The following GAB1 variants were observed in gnomAD, a reference collection of about 807,000 sequenced individuals.
The protein encoded by GAB1 is GRB2 associated binding protein 1.
GAB1 carries 19 observed loss-of-function variants against 66.5 expected under a neutral mutation model. The ratio of observed to expected loss-of-function variants is 0.29; its 90% confidence interval spans 0.20 to 0.42. The LOEUF (loss-of-function observed/expected upper bound fraction) is 0.42. GAB1 is among the 10% of genes least tolerant of loss of function. The probability of loss-of-function intolerance (pLI) is 1.00; values close to 1 mark genes in which losing one functional copy is unlikely to be tolerated. For missense variants in GAB1, 732 were observed against 858.5 expected, an observed-to-expected ratio of 0.85 and a Z score of 1.84; for synonymous variants, 294 against 301.4, an observed-to-expected ratio of 0.98 and a Z score of 0.25.
At chr4:143,400,040 A>C (rs1731684154) in intron 1 of GAB1, among the ~76,000 whole-genome samples, 1 of 150,846 alleles carries the variant, frequency 6.6e-6, no homozygotes, top group African/African-American at 2.4e-5. Flanking sequence ...CTGGGTGTTC[A>C]AGTGATTCTC....
In GAB1 at chr4:143,384,527, C is replaced by T. The variant is rs554235541; in HGVS notation, c.73-30950C>T. 7.9e-5 allele frequency among the ~76,000 whole-genome samples: 12 copies of T among 152,256 alleles called. No individual in the cohort carries two copies. The South Asian group carries it at 1.4e-3, about 18-fold the overall frequency. The stretch of plus-strand genomic sequence containing the variant: ...TGTACAGGACAGGAAAGGCTGTGGC[C>T]GTCAGGGAAATGGAGCCAGATGGTC... On this transcript the variant is annotated intron_variant, in intron 1 of 9. Transcript: ENST00000262994.
At chr4:143,387,508 T>A (rs3792653) in intron 1 of GAB1, among the ~76,000 whole-genome samples, 80,339 of 152,074 alleles carry the variant, frequency 0.53, 22,780 homozygotes, top group African/African-American at 0.74. Context: ...GGTAAAGGGA[T>A]GAAGGCACAG....
At position 143,415,867 on chromosome 4, in the gene GAB1, T is replaced by C. The variant is rs73850417; in HGVS notation, c.367+96T>C. On this transcript the variant is annotated intron_variant, in intron 2 of 9. Coordinates refer to ENST00000262994, the MANE Select transcript of GAB1 (RefSeq NM_002039.4). ...TCTTTGTTATTTTAGTTACACAATA[T>C]AATGTTTTATTTTTATAATAGGAAC... 6,603 of 959,134 alleles carry C rather than the reference T, an allele frequency of 6.9e-3. 319 individuals carry two copies. In the African/African-American group the frequency reaches 0.1, roughly 15 times the overall value. 59.4% of individuals were successfully genotyped at this position (959,134 alleles called of 1,614,324 possible).
At chr4:143,351,420 G>GTGCTCT (rs1039172155) in intron 1 of GAB1, among the ~76,000 whole-genome samples, 29 of 152,308 alleles carry the variant, frequency 1.9e-4, no homozygotes, top group African/African-American at 6.3e-4. Context: ...TTGCCTGCGG[G>GTGCTCT]TGCTCTTCCG....
At chr4:143,403,130 G>A (rs1262291947) in intron 1 of GAB1, among the ~76,000 whole-genome samples, 1 of 151,836 alleles carries the variant, frequency 6.6e-6, no homozygotes, top group African/African-American at 2.4e-5. Context: ...TAGTGTACTT[G>A]TTTTCTTTTT....
intron 2 of GAB1, chr4:143,417,361 A>G: frequency 7.6e-6 from 3 of 394,226 alleles, no homozygotes; most frequent in Non-Finnish European, 1.5e-5. Flanking sequence ...AGAGGGCTCA[A>G]GAATTTTACA....
intron 1 of GAB1, among the ~76,000 whole-genome samples, chr4:143,396,638 T>G (rs1731469283): frequency 6.6e-6 from 1 of 152,204 alleles, no homozygotes; most frequent in South Asian, 2.1e-4. Context: ...GCATATTATT[T>G]GGAAATATGG....
intron 1 of GAB1, among the ~76,000 whole-genome samples, chr4:143,415,157 A>G (rs1732612685): frequency 6.6e-6 from 1 of 152,244 alleles, no homozygotes; most frequent in South Asian, 2.1e-4. Flanking sequence ...TAGTTTTCCT[A>G]ACACCATTTG....
At position 143,460,451 on chromosome 4, in the gene GAB1, T is replaced by C. The variant is rs1735431763; in HGVS notation, c.1767T>C (p.Tyr589=). The C allele has an allele frequency of 6.2e-7, 1 of 1,613,912 alleles. No individual in the cohort carries two copies. Among genetic ancestry groups the C allele is most frequent in the Non-Finnish European group, 8.5e-7 (1 of 1,179,818 alleles). ...ACTCACACGACAGTGAAGAGAATTA[T>C]GTTCCCATGAACCCAAACCTGTCCA... is the stretch of plus-strand genomic sequence containing the variant. The part of the protein sequence containing the change: ...SSDSHDSEEN[Y]VPMNPNLSSE... Residue 589 remains tyrosine, a synonymous_variant, in exon 8 of 10, where the codon TAT becomes TAC. Coordinates refer to ENST00000262994, the MANE Select transcript of GAB1 (RefSeq NM_002039.4).
At chr4:143,442,053 T>A (rs1184395908) in intron 6 of GAB1, among the ~76,000 whole-genome samples, 1 of 151,976 alleles carries the variant, frequency 6.6e-6, no homozygotes, top group Non-Finnish European at 1.5e-5. Context: ...TCCTTTTTCT[T>A]TGTCTCTAAA....
intron 6 of GAB1, among the ~76,000 whole-genome samples, chr4:143,443,073 G>A (rs1158278244): frequency 1.4e-5 from 2 of 145,456 alleles, no homozygotes; most frequent in Non-Finnish European, 3.0e-5. Flanking sequence ...CTGGAGTGCA[G>A]TGGCGCGATC....
chr4:143,388,699 G>A (rs1278695871), intron 1 of GAB1, among the ~76,000 whole-genome samples: 1 of 152,186 alleles, frequency 6.6e-6, no homozygotes, highest in South Asian at 2.1e-4. Context: ...ATAGGCATGA[G>A]TCACTGCGCC....
At chr4:143,372,419 C>A (rs1730165172) in intron 1 of GAB1, among the ~76,000 whole-genome samples, 1 of 152,152 alleles carries the variant, frequency 6.6e-6, no homozygotes, top group Admixed American at 6.6e-5. Context: ...GTGAACAAGA[C>A]AAAGCTTCTG....
intron 2 of GAB1, 70 bp downstream of exon 2, chr4:143,415,841 T>G (rs1429422822): frequency 1.7e-5 from 20 of 1,206,514 alleles, no homozygotes; most frequent in Admixed American, 2.4e-5. Flanking sequence ...TGTCATACAA[T>G]TCTTTGTTAT....
At chr4:143,449,462 A>G (rs1489838183) in intron 6 of GAB1, among the ~76,000 whole-genome samples, 2 of 151,736 alleles carry the variant, frequency 1.3e-5, no homozygotes, top group Non-Finnish European at 2.9e-5. Flanking sequence ...TGCTTTATGA[A>G]TCTGGGTGCT....
At chr4:143,452,699 T>C (rs937188872) in intron 6 of GAB1, among the ~76,000 whole-genome samples, 1 of 152,202 alleles carries the variant, frequency 6.6e-6, no homozygotes, top group African/African-American at 2.4e-5. Flanking sequence ...GATCAAGAGA[T>C]TGATATTAAC....
At chr4:143,438,800 T>C (rs1734075791) in intron 4 of GAB1, among the ~76,000 whole-genome samples, 200 bp downstream of exon 4, 1 of 152,192 alleles carries the variant, frequency 6.6e-6, no homozygotes, top group Admixed American at 6.5e-5. Flanking sequence ...TTCTCACCCC[T>C]GAAGAAGTAT....
intron 1 of GAB1, among the ~76,000 whole-genome samples, chr4:143,412,422 T>G (rs1338192120): frequency 1.3e-5 from 2 of 151,954 alleles, no homozygotes; most frequent in East Asian, 3.8e-4. Flanking sequence ...CTCAAAAATT[T>G]TACAAGTCTA....
At position 143,346,152 on chromosome 4, in the gene GAB1, A is replaced by T. The variant is rs559414991; in HGVS notation, c.72+8892A>T. Among the ~76,000 whole-genome samples the T allele has an allele frequency of 7.2e-5, 11 of 152,376 alleles. No individual in the cohort carries two copies. The South Asian group carries it at 1.9e-3, about 26-fold the overall frequency. On this transcript the variant is annotated intron_variant, in intron 1 of 9. Transcript: ENST00000262994. ...GATATAAGCCTAGACATCAAAAATC[A>T]CAAAATATTTGTGTCCCAATCTTTA...
Sources: gnomAD v4.1 joint callset for allele counts (sites outside exome capture counted in the v4.1 genomes callset) on GRCh38, gnomAD v4.1.1 for gene constraint, MANE v1.5 for transcripts, NCBI Gene and HGNC (gene_info 2026-07-23, HGNC 2026-07-21) for gene names.